Variants in RMDN3 observed in about 807,000 individuals in gnomAD.
RMDN3 encodes the protein regulator of microtubule dynamics 3.
In RMDN3, 41 loss-of-function variants were observed where a neutral mutation model predicts 61.8. The observed-to-expected ratio is 0.66, with a 90% CI of 0.52 to 0.86. The LOEUF (loss-of-function observed/expected upper bound fraction) is 0.86, where lower values mean the gene tolerates loss of function less well. RMDN3 is among the 40% of genes least tolerant of loss of function. RMDN3 has a pLI of 0.00. For missense variants in RMDN3, 557 were observed against 585.3 expected (o/e 0.95, Z 0.50); for synonymous variants, 247 against 232.0 (o/e 1.06, Z -0.59).
At position 40,737,745 on chromosome 15, in the gene RMDN3, G is replaced by GGT; in HGVS notation, c.1126-21_1126-20dup. On this transcript the variant is annotated intron_variant, in intron 9 of 12. Coordinates refer to ENST00000338376, the MANE Select transcript of RMDN3 (RefSeq NM_018145.3). ...GAGAGACCTGCCACAAAAAGATCAAGGTGTGTATAAGAGGTTTTAAAAGGT... is the reference window on the plus strand; with the variant it reads ...GAGAGACCTGCCACAAAAAGATCAAGGTGTGTGTATAAGAGGTTTTAAAAGGT... 1 of 1,610,722 alleles carries GGT rather than the reference G, an allele frequency of 6.2e-7. No homozygotes were observed. Among genetic ancestry groups the GGT allele is most frequent in the Non-Finnish European group, 8.5e-7 (1 of 1,177,300 alleles).
intron 2 of RMDN3, among the ~76,000 whole-genome samples, chr15:40,753,933 C>T (rs1897928565): frequency 1.3e-5 from 2 of 152,142 alleles, no homozygotes; most frequent in African/African-American, 4.8e-5. Flanking sequence ...GACTTTTAAT[C>T]CCTACAAGAT....
chr15:40,748,641 C>T (rs1897680377), intron 4 of RMDN3, among the ~76,000 whole-genome samples: 1 of 152,220 alleles, frequency 6.6e-6, no homozygotes, highest in South Asian at 2.1e-4. Flanking sequence ...TCTCTGTCAC[C>T]CAGGCTGGAG....
intron 2 of RMDN3, among the ~76,000 whole-genome samples, chr15:40,753,452 G>A (rs1056702496): frequency 6.6e-6 from 1 of 152,148 alleles, no homozygotes; most frequent in African/African-American, 2.4e-5. Flanking sequence ...GGCGGAGGTT[G>A]CAGTGAGCCA....
chr15:40,753,549 A>G (rs552040302), intron 2 of RMDN3, among the ~76,000 whole-genome samples: 105 of 151,730 alleles, frequency 6.9e-4, no homozygotes, highest in African/African-American at 2.5e-3. Flanking sequence ...AAAAGAAAAG[A>G]AAAAAAACAC....
chr15:40,741,535 A>T (rs778428186), intron 6 of RMDN3, among the ~76,000 whole-genome samples: 27 of 151,768 alleles, frequency 1.8e-4, no homozygotes, highest in Non-Finnish European at 2.9e-4. Flanking sequence ...GACAAGCGTC[A>T]CTTAAGAGTA....
At chr15:40,741,620 A>ATTTTTTTTTTTT (rs553262858) in intron 6 of RMDN3, among the ~76,000 whole-genome samples, 1,741 of 71,706 alleles carry the variant, frequency 0.024, 387 homozygotes, top group South Asian at 0.058. Context: ...GCAACATAGG[A>ATTTTTTTTTTTT]TTTTTTTTTT....
In RMDN3 at chr15:40,750,969, T is replaced by C. The variant is rs1192669656; in HGVS notation, c.524+457A>G. ...TCACAGAAAGGCCTATCGTCAGCCC[T>C]CCTGGGCCACTGAGAACTCAGGACA... On this transcript the variant is annotated intron_variant, in intron 4 of 12. Coordinates refer to ENST00000338376, the MANE Select transcript of RMDN3 (RefSeq NM_018145.3). 4.6e-5 allele frequency among the ~76,000 whole-genome samples: 7 copies of C among 152,278 alleles called. No individual in the cohort carries two copies. The East Asian group carries it at 5.8e-4, about 13-fold the overall frequency.
chr15:40,745,126 C>G lies in RMDN3; in HGVS notation c.658G>C (p.Ala220Pro). ...TCCAGGGCACTGGAGGCACCTGAAG[C>G]TGCCTCTTCCTCCAAGTCAAGAGAA... ...KDSLDLEEEA[A>P]SGASSALEAG... is the part of the protein sequence containing the mutation. Residue 220 changes from alanine to proline, a missense_variant, in exon 5 of 13, where the codon GCT (alanine) becomes CCT (proline). Ala to Pro is a conservative substitution (Grantham distance 27, BLOSUM62 -1). Transcript: ENST00000338376. The G allele has an allele frequency of 6.2e-7, 1 of 1,614,190 alleles. No individual in the cohort carries two copies. The highest frequency in any genetic ancestry group is 8.5e-7 in the Non-Finnish European group (1 of 1,180,024).
chr15:40,750,897 C>T (rs990911259), intron 4 of RMDN3, among the ~76,000 whole-genome samples: 3 of 152,210 alleles, frequency 2.0e-5, no homozygotes, highest in African/African-American at 7.2e-5. Context: ...TTAGCATGAC[C>T]AGACTTGGAG....
At chr15:40,741,595 A>G (rs1416295893) in intron 6 of RMDN3, among the ~76,000 whole-genome samples, 1 of 144,194 alleles carries the variant, frequency 6.9e-6, no homozygotes, top group Non-Finnish European at 1.5e-5. Flanking sequence ...ATGCCTATGC[A>G]CTGGAGAAGA....
intron 4 of RMDN3, among the ~76,000 whole-genome samples, chr15:40,750,232 T>C (rs1196644801): frequency 9.9e-6 from 1 of 101,064 alleles, no homozygotes; most frequent in Non-Finnish European, 2.1e-5. Flanking sequence ...TTTTTTTTTT[T>C]TCTTTGAGAT....
chr15:40,746,506 G>A (rs1484407649), intron 4 of RMDN3, among the ~76,000 whole-genome samples: 2 of 140,318 alleles, frequency 1.4e-5, no homozygotes, highest in East Asian at 4.1e-4. Context: ...GACAGAGCAA[G>A]ACTCCGTCTC....
intron 12 of RMDN3, 53 bp downstream of exon 12, chr15:40,737,071 C>T (rs1287008763): frequency 3.2e-5 from 47 of 1,452,886 alleles, no homozygotes; most frequent in Non-Finnish European, 3.8e-5. Context: ...CAGGCTGTCT[C>T]GAACTCCCGA....
chr15:40,751,100 T>C (rs945857114), intron 4 of RMDN3, among the ~76,000 whole-genome samples: 6 of 152,214 alleles, frequency 3.9e-5, no homozygotes, highest in African/African-American at 9.6e-5. Context: ...CATCTCCGTA[T>C]ACCAGCTCAG....
intron 4 of RMDN3, among the ~76,000 whole-genome samples, chr15:40,746,321 C>G (rs1317096591): frequency 6.6e-6 from 1 of 152,042 alleles, no homozygotes; most frequent in Non-Finnish European, 1.5e-5. Flanking sequence ...CAAGACCATC[C>G]TGGCTAACAC....
intron 3 of RMDN3, 114 bp from the exon 4 acceptor site, chr15:40,751,683 A>G: frequency 6.7e-7 from 1 of 1,491,698 alleles, no homozygotes; most frequent in Non-Finnish European, 9.3e-7. Flanking sequence ...AAAAGCAGAG[A>G]AAATCCTAAG....
At chr15:40,749,454 C>A (rs535290346) in intron 4 of RMDN3, among the ~76,000 whole-genome samples, 44 of 152,358 alleles carry the variant, frequency 2.9e-4, no homozygotes, top group African/African-American at 1.0e-3. Flanking sequence ...GAGGTTGAGG[C>A]TGCTGTGCTG....
intron 12 of RMDN3, among the ~76,000 whole-genome samples, chr15:40,736,861 G>T (rs547400846): frequency 1.8e-4 from 27 of 151,232 alleles, no homozygotes; most frequent in Admixed American, 4.0e-4. Context: ...GTTTTGTTTG[G>T]TTTTTTTTTG....
At chr15:40,743,786 A>G (rs533000111) in intron 6 of RMDN3, among the ~76,000 whole-genome samples, 7 of 152,374 alleles carry the variant, frequency 4.6e-5, no homozygotes, top group Non-Finnish European at 5.9e-5. Flanking sequence ...AGAAAAACGA[A>G]TAACATTGAT....
Sources: gnomAD v4.1 joint callset for allele counts (sites outside exome capture counted in the v4.1 genomes callset) on GRCh38, gnomAD v4.1.1 for gene constraint, MANE v1.5 for transcripts, NCBI Gene and HGNC (gene_info 2026-07-23, HGNC 2026-07-21) for gene names.